The following SOX5 variants were observed in gnomAD, a reference collection of about 807,000 sequenced individuals.
SOX5 encodes SRY-box transcription factor 5, also known as transcription factor SOX-5.
SOX5 carries 9 observed loss-of-function variants against 92.0 expected under a neutral mutation model. The observed-to-expected ratio is 0.10, with a 90% CI of 0.06 to 0.17. SOX5 has a LOEUF of 0.17. Ranked by LOEUF, SOX5 falls within the 10% of genes least tolerant of loss-of-function variation. SOX5 has a pLI of 1.00. For missense variants in SOX5, 642 were observed against 944.5 expected (o/e 0.68, Z 4.20); for synonymous variants, 344 against 336.3 (o/e 1.02, Z -0.25).
chr12:24,381,831 C>A (rs894472894), intron 1 of SOX5, among the ~76,000 whole-genome samples: 15 of 152,130 alleles, frequency 9.9e-5, no homozygotes, highest in African/African-American at 3.6e-4. Context: ...CAGAGAAAAA[C>A]TTCAGGGAGA....
intron 3 of SOX5, among the ~76,000 whole-genome samples, chr12:24,250,224 A>G (rs1346383525): frequency 2.0e-5 from 3 of 152,242 alleles, no homozygotes; most frequent in African/African-American, 7.2e-5. Context: ...TTAAATTTTT[A>G]AAAAGGAATA....
intron 2 of SOX5, among the ~76,000 whole-genome samples, chr12:23,862,158 T>A (rs1392663337): frequency 6.6e-6 from 1 of 152,136 alleles, no homozygotes; most frequent in African/African-American, 2.4e-5. Flanking sequence ...TTCAATTATC[T>A]AGAGAAGCAA....
At position 24,529,889 on chromosome 12, in the gene SOX5, G is replaced by A. The variant is rs947041353; in HGVS notation, c.-251+32440C>T. On this transcript the variant is annotated intron_variant, in intron 1 of 4. Transcript: ENST00000446891. Reference sequence around the variant, plus strand: ...CAAAAAATTAGCTAGGCGTGGTGGCGGGCGCCTGTAGTCCCAGCTACTCGG... The same window carrying A: ...CAAAAAATTAGCTAGGCGTGGTGGCAGGCGCCTGTAGTCCCAGCTACTCGG... 1.1e-4 allele frequency among the ~76,000 whole-genome samples: 17 copies of A among 152,072 alleles called. 1 individual carries two copies. Among genetic ancestry groups the A allele is most frequent in the East Asian group, 5.8e-4 (3 of 5,164 alleles).
At chr12:23,629,250 C>A (rs1282454832) in intron 8 of SOX5, among the ~76,000 whole-genome samples, 1 of 152,040 alleles carries the variant, frequency 6.6e-6, no homozygotes, top group Admixed American at 6.6e-5. Context: ...TTTATTCATT[C>A]TTTCTTAATT....
chr12:23,630,471 A>G (rs1176684885), intron 8 of SOX5, among the ~76,000 whole-genome samples: 1 of 151,908 alleles, frequency 6.6e-6, no homozygotes, highest in African/African-American at 2.4e-5. Flanking sequence ...TTATTAACAC[A>G]CTTTAGTGCT....
At chr12:24,314,567 A>G (rs1368681477) in intron 2 of SOX5, among the ~76,000 whole-genome samples, 2 of 152,230 alleles carry the variant, frequency 1.3e-5, no homozygotes, top group Non-Finnish European at 2.9e-5. Flanking sequence ...ATACATAAAA[A>G]AAAATTATAA....
chr12:23,575,647 G>A lies in SOX5; in HGVS notation c.1342+14C>T. 1 of 1,613,276 alleles carries A rather than the reference G, an allele frequency of 6.2e-7. No individual in the cohort carries two copies. Among genetic ancestry groups the A allele is most frequent in the Non-Finnish European group, 8.5e-7 (1 of 1,179,434 alleles). On this transcript the variant is annotated intron_variant, in intron 10 of 14. Transcript: ENST00000451604. ...AAACAGAAAATCAGCAAGAACAAAAGAAACAGAACTTACCTATTGTGCTAA... is the reference window on the plus strand; with the variant it reads ...AAACAGAAAATCAGCAAGAACAAAAAAAACAGAACTTACCTATTGTGCTAA...
At chr12:23,937,253 T>G (rs1215502467) in intron 1 of SOX5, among the ~76,000 whole-genome samples, 2 of 150,988 alleles carry the variant, frequency 1.3e-5, no homozygotes, top group Admixed American at 6.6e-5. Context: ...AGGAACAGTC[T>G]ATAATAGCTC....
intron 3 of SOX5, among the ~76,000 whole-genome samples, chr12:24,220,321 T>C (rs1960101409): frequency 6.6e-6 from 1 of 152,032 alleles, no homozygotes; most frequent in African/African-American, 2.4e-5. Flanking sequence ...TCCAAAGTAT[T>C]AACTTTGGGA....
chr12:23,653,639 T>A (rs1259702563), intron 7 of SOX5, among the ~76,000 whole-genome samples: 1 of 152,142 alleles, frequency 6.6e-6, no homozygotes, highest in Non-Finnish European at 1.5e-5. Context: ...CTGGGCCTGA[T>A]GAAGGCCCAT....
intron 1 of SOX5, among the ~76,000 whole-genome samples, chr12:24,507,176 A>T (rs114385999): frequency 6.6e-6 from 1 of 152,056 alleles, no homozygotes; most frequent in Non-Finnish European, 1.5e-5. Context: ...ATAATCATCA[A>T]TGGATTAAAC....
chr12:24,348,610 T>C (rs1565957262), intron 2 of SOX5, among the ~76,000 whole-genome samples: 1 of 152,140 alleles, frequency 6.6e-6, no homozygotes, highest in Non-Finnish European at 1.5e-5. Flanking sequence ...CTGGAACTCC[T>C]GACCTCAGGT....
chr12:24,524,276 T>C (rs553486054), intron 1 of SOX5, among the ~76,000 whole-genome samples: 69 of 152,290 alleles, frequency 4.5e-4, no homozygotes, highest in African/African-American at 1.7e-3. Flanking sequence ...AGCTCAGAGA[T>C]AGCCTGTCAT....
chr12:24,304,757 C>T (rs1307859816), intron 2 of SOX5, among the ~76,000 whole-genome samples: 1 of 152,172 alleles, frequency 6.6e-6, no homozygotes, highest in Non-Finnish European at 1.5e-5. Flanking sequence ...CAAGCCTGCT[C>T]TCCTCTCATA....
intron 1 of SOX5, among the ~76,000 whole-genome samples, chr12:23,906,689 C>T (rs536111390): frequency 5.9e-5 from 9 of 152,062 alleles, no homozygotes; most frequent in African/African-American, 1.4e-4. Context: ...CTATCTCTTC[C>T]GATATAGGCT....
intron 6 of SOX5, among the ~76,000 whole-genome samples, chr12:23,679,101 T>C (rs1042705232): frequency 6.6e-6 from 1 of 152,142 alleles, no homozygotes; most frequent in South Asian, 2.1e-4. Flanking sequence ...CCTGGATGCA[T>C]AATAACCAAT....
chr12:23,612,849 C>T (rs1238630063), intron 8 of SOX5, among the ~76,000 whole-genome samples: 1 of 152,040 alleles, frequency 6.6e-6, no homozygotes, highest in Non-Finnish European at 1.5e-5. Context: ...TTTCAAGGCT[C>T]CATAAGTGTT....
At chr12:23,912,741 G>A (rs181244626) in intron 1 of SOX5, among the ~76,000 whole-genome samples, 68 of 152,124 alleles carry the variant, frequency 4.5e-4, no homozygotes, top group Non-Finnish European at 7.4e-4. Flanking sequence ...ATTCACAAAG[G>A]TCTACATATT....
chr12:24,317,683 A>G (rs748238735), intron 2 of SOX5, among the ~76,000 whole-genome samples: 1 of 152,154 alleles, frequency 6.6e-6, no homozygotes, highest in Non-Finnish European at 1.5e-5. Context: ...AATGCTGACA[A>G]CAGCTCCACC....
Sources: gnomAD v4.1 joint callset for allele counts (sites outside exome capture counted in the v4.1 genomes callset) on GRCh38, gnomAD v4.1.1 for gene constraint, MANE v1.5 for transcripts, NCBI Gene and HGNC (gene_info 2026-07-23, HGNC 2026-07-21) for gene names.